Variants in ASMT observed in about 807,000 individuals in gnomAD.
ASMT encodes the protein acetylserotonin O-methyltransferase.
In ASMT, 53 loss-of-function variants were observed where a neutral mutation model predicts 41.3. That is an observed-to-expected ratio of 1.28 (90% CI 1.03 to 1.61). The LOEUF (loss-of-function observed/expected upper bound fraction) is 1.61. Ranked by LOEUF, ASMT falls within the 40% of genes most tolerant of loss-of-function variation. The pLI, the probability that ASMT is intolerant of heterozygous loss-of-function variation, is 0.00. For synonymous variants in ASMT, 231 were observed against 184.8 expected, an observed-to-expected ratio of 1.25 and a Z score of -2.03; for missense variants, 531 against 441.3, an observed-to-expected ratio of 1.20 and a Z score of -1.82.
At chrX:1,615,721 G>A (rs1202497004) in intron 1 of ASMT, among the ~76,000 whole-genome samples, 8 of 151,870 alleles carry the variant, frequency 5.3e-5, no homozygotes, top group Non-Finnish European at 1.5e-5. Flanking sequence ...AGAATCGCTT[G>A]AACCTGGGAG....
chrX:1,631,612 G>C (rs1295814602), intron 5 of ASMT, among the ~76,000 whole-genome samples: 2 of 152,040 alleles, frequency 1.3e-5, no homozygotes, highest in Non-Finnish European at 2.9e-5. Context: ...AGCAGCTTGG[G>C]AAGAAAATAA....
intron 2 of ASMT, among the ~76,000 whole-genome samples, chrX:1,623,743 AAT>A (rs1182405997): frequency 6.6e-6 from 1 of 151,746 alleles, no homozygotes; most frequent in African/African-American, 2.4e-5. Flanking sequence ...ACGTATTTTT[AAT>A]AGAGACAGGA....
At position 1,636,247 on chromosome X, in the gene ASMT, G is replaced by A. The variant is rs5989858; in HGVS notation, c.788-191G>A. 8.8e-3 allele frequency: 7,346 copies of A among 834,036 alleles called. 352 individuals are homozygous for A. The African/African-American group carries it at 0.11, about 12-fold the overall frequency. 51.7% of individuals were successfully genotyped at this position (834,036 alleles called of 1,614,324 possible). On this transcript the variant is annotated intron_variant, in intron 7 of 8. Coordinates refer to ENST00000381241, the MANE Select transcript of ASMT (RefSeq NM_001171038.2). ...GCTAGGATTACAGGCGTGAGCCACC[G>A]CGCCCGACCTCAGTATTTTCTTATC...
At chrX:1,636,991 C>CCA (rs1229065177) in intron 8 of ASMT, among the ~76,000 whole-genome samples, 1 of 66,578 alleles carries the variant, frequency 1.5e-5, no homozygotes, top group Non-Finnish European at 2.9e-5. Flanking sequence ...GTGGGCACAG[C>CCA]CTCTGTGTGT....
At chrX:1,632,993 T>C (rs1400372154) in intron 6 of ASMT, 157 bp from the exon 7 acceptor site, 16 of 242,476 alleles carry the variant, frequency 6.6e-5, no homozygotes, top group South Asian at 4.9e-4. Context: ...ACATGTACCC[T>C]AGAACTTAAA....
At chrX:1,628,843 T>G (rs1934659116) in intron 4 of ASMT, among the ~76,000 whole-genome samples, 1 of 148,006 alleles carries the variant, frequency 6.8e-6, no homozygotes, top group Non-Finnish European at 1.5e-5. Flanking sequence ...TTCTCTCATC[T>G]TCTCTGTTTT....
intron 5 of ASMT, among the ~76,000 whole-genome samples, chrX:1,632,339 T>G (rs1431621015): frequency 6.6e-6 from 1 of 151,844 alleles, no homozygotes; most frequent in Non-Finnish European, 1.5e-5. Flanking sequence ...ACCGTCAAGA[T>G]TAGACATGGT....
At chrX:1,615,973 C>A (rs1334594881) in intron 1 of ASMT, among the ~76,000 whole-genome samples, 1 of 152,030 alleles carries the variant, frequency 6.6e-6, no homozygotes, top group Non-Finnish European at 1.5e-5. Flanking sequence ...TTACACTGTG[C>A]GTTTATCATA....
In ASMT at chrX:1,642,847, C is replaced by A. The variant is rs768791548; in HGVS notation, c.955C>A (p.Arg319=). Residue 319 remains arginine, a synonymous_variant, in exon 9 of 9, where the codon CGA becomes AGA. Transcript: ENST00000381241. ...TGAAAGCCTCCTGGATGAAGACAGG[C>A]GAGGTCCTCTGCTCACGCAGCTCTA... The part of the protein sequence containing the change: ...VIESLLDEDR[R]GPLLTQLYSL... 2.6e-5 allele frequency: 42 copies of A among 1,613,846 alleles called. No individual in the cohort carries two copies. Among genetic ancestry groups the A allele is most frequent in the Non-Finnish European group, 3.3e-5 (39 of 1,179,866 alleles).
chrX:1,635,855 T>C (rs1208691266), intron 7 of ASMT, among the ~76,000 whole-genome samples: 2 of 148,032 alleles, frequency 1.4e-5, no homozygotes, highest in Admixed American at 1.3e-4. Flanking sequence ...AGAGCAAAAC[T>C]CCATCTCAAA....
intron 1 of ASMT, among the ~76,000 whole-genome samples, chrX:1,615,774 C>G (rs1934069907): frequency 6.6e-6 from 1 of 151,582 alleles, no homozygotes; most frequent in Non-Finnish European, 1.5e-5. Flanking sequence ...TGCACTCCCG[C>G]CTGGGGGACA....
rs1343854772 is a variant in ASMT at position 1,615,210 on chromosome X, C to T, written c.11C>T (p.Ser4Leu). 6.3e-7 allele frequency: 1 copy of T among 1,595,158 alleles called. No homozygotes were observed. The change falls in exon 1 of 9, where the codon TCA (serine) becomes TTA (leucine). Residue 4 changes from serine (S) to leucine (L), a missense_variant. Physicochemically the swap from Ser to Leu is moderately radical, Grantham distance 145. Transcript: ENST00000381241. MGS[S>L]EDQAYRLLND... ...TGGATTGGAGACAAGATGGGATCCTCAGAGGACCAGGCCTATCGCCTCCTT... is the reference window on the plus strand; with the variant it reads ...TGGATTGGAGACAAGATGGGATCCTTAGAGGACCAGGCCTATCGCCTCCTT...
chrX:1,616,205 TTTTAG>T (rs1265665957), intron 1 of ASMT, among the ~76,000 whole-genome samples: 3 of 79,114 alleles, frequency 3.8e-5, no homozygotes, highest in East Asian at 2.7e-4. Flanking sequence ...ATTTTTGTAT[TTTTAG>T]TAGAGATGGG....
chrX:1,625,436 C>T (rs757472788), intron 3 of ASMT, among the ~76,000 whole-genome samples: 1 of 149,848 alleles, frequency 6.7e-6, no homozygotes, highest in East Asian at 2.0e-4. Context: ...GCAGAGGCTG[C>T]AATGAGCTGA....
chrX:1,626,556 G>C (rs1264972932), intron 3 of ASMT, among the ~76,000 whole-genome samples: 2 of 152,072 alleles, frequency 1.3e-5, no homozygotes, highest in Admixed American at 6.6e-5. Flanking sequence ...CTTTATCTGT[G>C]ATGGGTTGTT....
chrX:1,624,370 T>C lies in ASMT; in HGVS notation c.346T>C (p.Cys116Arg), dbSNP rs1296962859. 2.5e-6 allele frequency: 4 copies of C among 1,613,574 alleles called. No homozygotes were observed. In the African/African-American group the frequency reaches 5.3e-5, roughly 22 times the overall value. The change falls in exon 3 of 9, where the codon TGC (cysteine) becomes CGC (arginine). Residue 116 changes from cysteine to arginine, a missense_variant. Cys to Arg is a radical substitution (Grantham distance 180, BLOSUM62 -3). Coordinates refer to ENST00000381241, the MANE Select transcript of ASMT (RefSeq NM_001171038.2). Reference sequence around the variant, plus strand: ...GTACATGGGCAGGACCAGCTACCGGTGCTGGGGCCACCTGGCAGACGCCGT... The same window carrying C: ...GTACATGGGCAGGACCAGCTACCGGCGCTGGGGCCACCTGGCAGACGCCGT... ...LKYMGRTSYRCWGHLADAVRE... is the reference protein window; with the variant it reads ...LKYMGRTSYRRWGHLADAVRE...
In ASMT at chrX:1,615,177, G is replaced by A. The variant is rs376891503; in HGVS notation, c.-23G>A. On this transcript the variant is annotated 5_prime_UTR_variant, in exon 1 of 9. Coordinates refer to ENST00000381241, the MANE Select transcript of ASMT (RefSeq NM_001171038.2). ...AGCAAGCGCTCCAGAGGCTCCGGAA[G>A]CCACGGCTGGATTGGAGACAAGATG... 5 of 1,579,000 alleles carry A rather than the reference G, an allele frequency of 3.2e-6. No homozygotes were observed. In the South Asian group the frequency reaches 5.8e-5, roughly 18 times the overall value.
chrX:1,631,131 G>A (rs1458368175), intron 5 of ASMT, among the ~76,000 whole-genome samples: 2 of 151,160 alleles, frequency 1.3e-5, no homozygotes, highest in Admixed American at 6.6e-5. Context: ...AGCCAGGATG[G>A]TCTCGATCTC....
chrX:1,627,670 AAAT>A (rs779063882), intron 3 of ASMT, 30 bp from the exon 4 acceptor site: 2 of 1,271,086 alleles, frequency 1.6e-6, no homozygotes, highest in South Asian at 2.4e-5. Context: ...AAATGAAATG[AAAT>A]GAAAATCAGC....
Sources: gnomAD v4.1 joint callset for allele counts (sites outside exome capture counted in the v4.1 genomes callset) on GRCh38, gnomAD v4.1.1 for gene constraint, MANE v1.5 for transcripts, NCBI Gene and HGNC (gene_info 2026-07-23, HGNC 2026-07-21) for gene names.